Variants in GLIS3 observed in about 807,000 individuals in gnomAD.
GLIS3 encodes the protein GLIS family zinc finger 3.
In GLIS3, 53 loss-of-function variants were observed where a neutral mutation model predicts 78.6. The ratio of observed to expected loss-of-function variants is 0.67; its 90% confidence interval spans 0.54 to 0.85. GLIS3 has a LOEUF of 0.85. Ranked by LOEUF, GLIS3 falls within the 40% of genes least tolerant of loss-of-function variation. The pLI, the probability that GLIS3 is intolerant of heterozygous loss-of-function variation, is 0.00. For synonymous variants in GLIS3, 684 were observed against 509.9 expected (o/e 1.34, Z -4.60); for missense variants, 1,703 against 1,231.1 (o/e 1.38, Z -5.74).
chr9:3,941,533 G>A (rs1304848627), intron 4 of GLIS3, among the ~76,000 whole-genome samples: 1 of 152,044 alleles, frequency 6.6e-6, no homozygotes, highest in African/African-American at 2.4e-5. Flanking sequence ...AAGTTCCCTC[G>A]GTGGCCTCCT....
upstream of GLIS3, chr9:4,348,444 T>C (rs1817923352): frequency 6.6e-6 from 1 of 152,232 alleles, no homozygotes; most frequent in African/African-American, 2.4e-5. Flanking sequence ...AGAATGCTGC[T>C]CTCAAATGAG....
intron 4 of GLIS3, among the ~76,000 whole-genome samples, chr9:3,945,584 T>A (rs1031669045): frequency 3.9e-5 from 6 of 152,088 alleles, no homozygotes; most frequent in Non-Finnish European, 7.3e-5. Flanking sequence ...CTCCAATACC[T>A]CCATATTATT....
At chr9:4,227,412 G>C (rs1475939070) in intron 2 of GLIS3, among the ~76,000 whole-genome samples, 1 of 152,054 alleles carries the variant, frequency 6.6e-6, no homozygotes, top group East Asian at 1.9e-4. Context: ...TTATGGAAGA[G>C]GCAGTGACTT....
At chr9:4,099,310 G>A (rs765191199) in intron 4 of GLIS3, among the ~76,000 whole-genome samples, 5 of 152,210 alleles carry the variant, frequency 3.3e-5, no homozygotes, top group Non-Finnish European at 7.3e-5. Flanking sequence ...GGGCTCTGAA[G>A]GAGAATCGGT....
the GLIS3 span, among the ~76,000 whole-genome samples, chr9:4,367,667 T>C: frequency 4.2e-5 from 6 of 144,484 alleles, no homozygotes; most frequent in African/African-American, 1.5e-4. Context: ...AAGTTCTCTA[T>C]GTGAGCAGAT....
chr9:4,132,918 A>T (rs1833084911), intron 2 of GLIS3, among the ~76,000 whole-genome samples: 1 of 152,008 alleles, frequency 6.6e-6, no homozygotes. Flanking sequence ...GCCTCAGCGT[A>T]CTGTTCTAAA....
chr9:4,342,531 G>A (rs1200813359), intron 2 of GLIS3, among the ~76,000 whole-genome samples: 1 of 152,144 alleles, frequency 6.6e-6, no homozygotes, highest in Non-Finnish European at 1.5e-5. Flanking sequence ...GATCTCTCCA[G>A]TGCTTAGAAT....
chr9:4,410,981 G>C, the GLIS3 span, among the ~76,000 whole-genome samples: 1 of 151,962 alleles, frequency 6.6e-6, no homozygotes, highest in Non-Finnish European at 1.5e-5. Flanking sequence ...GCCTAAAAAG[G>C]GTTATAATTC....
the GLIS3 span, among the ~76,000 whole-genome samples, chr9:4,415,801 CTTTT>C: frequency 6.6e-6 from 1 of 151,146 alleles, no homozygotes; most frequent in Non-Finnish European, 1.5e-5. Context: ...TTTAACTTTT[CTTTT>C]TTTTATTAAT....
At chr9:4,181,042 G>C (rs957565312) in intron 2 of GLIS3, among the ~76,000 whole-genome samples, 2 of 152,214 alleles carry the variant, frequency 1.3e-5, no homozygotes, top group Admixed American at 1.3e-4. Flanking sequence ...GGTAAGATGA[G>C]CTGAGTCAAA....
intron 2 of GLIS3, among the ~76,000 whole-genome samples, chr9:4,271,688 G>A (rs1346574405): frequency 2.6e-5 from 4 of 152,086 alleles, no homozygotes; most frequent in Non-Finnish European, 4.4e-5. Flanking sequence ...TAGCACAGTG[G>A]GTTTCAGGTA....
chr9:4,050,694 G>A (rs370910448), intron 4 of GLIS3, among the ~76,000 whole-genome samples: 1 of 152,122 alleles, frequency 6.6e-6, no homozygotes, highest in South Asian at 2.1e-4. Context: ...CATGTTAGGG[G>A]CCTTTATTGT....
At chr9:4,445,528 G>T in the GLIS3 span, among the ~76,000 whole-genome samples, 4 of 152,256 alleles carry the variant, frequency 2.6e-5, no homozygotes, top group South Asian at 8.3e-4. Context: ...CAGCTACTTG[G>T]GAAGCTGAGG....
At chr9:4,217,462 A>G (rs1820957845) in intron 2 of GLIS3, among the ~76,000 whole-genome samples, 1 of 152,178 alleles carries the variant, frequency 6.6e-6, no homozygotes, top group Non-Finnish European at 1.5e-5. Flanking sequence ...CATTTCTAAG[A>G]GTGAAGTGCA....
intron 5 of GLIS3, among the ~76,000 whole-genome samples, chr9:3,934,152 G>T (rs1220959024): frequency 6.6e-6 from 1 of 152,174 alleles, no homozygotes; most frequent in Non-Finnish European, 1.5e-5. Context: ...AGTAAGCAAA[G>T]ATTTTCTTTA....
the GLIS3 span, among the ~76,000 whole-genome samples, chr9:4,400,186 G>A: frequency 6.6e-5 from 10 of 152,306 alleles, no homozygotes; most frequent in Non-Finnish European, 1.5e-4. Context: ...CGGCCTTTTG[G>A]CTAAAATCAA....
intron 2 of GLIS3, among the ~76,000 whole-genome samples, chr9:4,164,486 G>A (rs552001533): frequency 2.7e-4 from 41 of 152,276 alleles, no homozygotes; most frequent in East Asian, 1.9e-3. Flanking sequence ...AGAGTAGCAC[G>A]GAGACGACAG....
chr9:4,375,301 C>G, the GLIS3 span, among the ~76,000 whole-genome samples: 6 of 152,246 alleles, frequency 3.9e-5, no homozygotes, highest in African/African-American at 1.4e-4. Flanking sequence ...TCACAAAGTT[C>G]TCGTGGAACA....
intron 1 of GLIS3, among the ~76,000 whole-genome samples, chr9:4,290,033 A>G (rs1014848848): frequency 6.6e-6 from 1 of 152,144 alleles, no homozygotes; most frequent in Non-Finnish European, 1.5e-5. Flanking sequence ...ATGGATTAAA[A>G]GATTAAACAA....
Sources: allele counts gnomAD v4.1 joint callset (sites outside exome capture counted in the v4.1 genomes callset), GRCh38; gene constraint gnomAD v4.1.1; transcripts MANE v1.5; gene names NCBI Gene and HGNC (gene_info 2026-07-23, HGNC 2026-07-21).